The following SLCO3A1 variants were observed in gnomAD, a reference collection of about 807,000 sequenced individuals.
SLCO3A1 encodes solute carrier organic anion transporter family member 3A1.
SLCO3A1 carries 27 observed loss-of-function variants against 63.1 expected under a neutral mutation model. The observed-to-expected ratio is 0.43, with a 90% CI of 0.32 to 0.59. SLCO3A1 has a LOEUF of 0.59. Ranked by LOEUF, SLCO3A1 falls within the 20% of genes least tolerant of loss-of-function variation. SLCO3A1 has a pLI of 0.09. For missense variants in SLCO3A1, 773 were observed against 945.8 expected (o/e 0.82, Z 2.40); for synonymous variants, 473 against 409.9 (o/e 1.15, Z -1.86).
chr15:91,902,436 T>C (rs1898183521), intron 1 of SLCO3A1, among the ~76,000 whole-genome samples: 1 of 151,858 alleles, frequency 6.6e-6, no homozygotes, highest in South Asian at 2.1e-4. Context: ...AAATTCTGTT[T>C]AGTTTGCCAG....
intron 2 of SLCO3A1, among the ~76,000 whole-genome samples, chr15:92,038,463 C>T (rs2046754720): frequency 6.6e-6 from 1 of 152,084 alleles, no homozygotes; most frequent in Admixed American, 6.5e-5. Flanking sequence ...CAACAATAGA[C>T]AAGCAGAGAG....
At chr15:91,923,220 C>G (rs1005512023) in intron 2 of SLCO3A1, among the ~76,000 whole-genome samples, 1 of 152,198 alleles carries the variant, frequency 6.6e-6, no homozygotes, top group African/African-American at 2.4e-5. Context: ...AAATGCTGCC[C>G]TTTTCATCCT....
At chr15:92,100,573 T>A (rs974214182) in intron 3 of SLCO3A1, among the ~76,000 whole-genome samples, 1 of 152,234 alleles carries the variant, frequency 6.6e-6, no homozygotes, top group Non-Finnish European at 1.5e-5. Context: ...CCATTTTTTT[T>A]AAAGTTAAGA....
chr15:91,893,596 C>T (rs1305029774), intron 1 of SLCO3A1, among the ~76,000 whole-genome samples: 2 of 152,196 alleles, frequency 1.3e-5, no homozygotes, highest in Non-Finnish European at 2.9e-5. Context: ...AAGGCTTCAC[C>T]TCCTAATACT....
rs527847212 is a variant in SLCO3A1, at chr15:91,963,782, A to G, written c.646+47324A>G. Among the ~76,000 whole-genome samples the G allele has an allele frequency of 8.5e-5, 13 of 152,106 alleles. 1 individual carries two copies. In the East Asian group the frequency reaches 2.3e-3, roughly 27 times the overall value. Reference sequence around the variant, plus strand: ...CAGACCTTCGCAGTGAGTATTACAGATCATAAAGGTAGTGCAGAACCAGAC... The same window carrying G: ...CAGACCTTCGCAGTGAGTATTACAGGTCATAAAGGTAGTGCAGAACCAGAC... On this transcript the variant is annotated intron_variant, in intron 2 of 9. Coordinates refer to ENST00000318445, the MANE Select transcript of SLCO3A1 (RefSeq NM_013272.4).
chr15:92,014,404 G>A lies in SLCO3A1; in HGVS notation c.647-80477G>A, dbSNP rs148778447. 1.1e-4 allele frequency among the ~76,000 whole-genome samples: 16 copies of A among 152,258 alleles called. No individual in the cohort carries two copies. The East Asian group carries it at 1.2e-3, about 11-fold the overall frequency. On this transcript the variant is annotated intron_variant, in intron 2 of 9. Transcript: ENST00000318445. Reference sequence around the variant, plus strand: ...AGGGCTGCAGGAGTGAGAATGCCCCGTGATTAGGGTTTCCTTCTAGGCCCG... The same window carrying A: ...AGGGCTGCAGGAGTGAGAATGCCCCATGATTAGGGTTTCCTTCTAGGCCCG...
intron 8 of SLCO3A1, chr15:92,149,337 C>T (rs1208339810): frequency 6.6e-6 from 1 of 152,222 alleles, no homozygotes; most frequent in African/African-American, 2.4e-5. Flanking sequence ...ATTGAGAGGT[C>T]CAAGACACAG....
rs185285977 is a variant in SLCO3A1 at position 92,033,040 on chromosome 15, A to C, written c.647-61841A>C. ...TGGTAGTGTGGGATGTGGGTTTAGC[A>C]CTTAGAGCATGGATCAGAGCAAGGT... is the stretch of plus-strand genomic sequence containing the variant. On this transcript the variant is annotated intron_variant, in intron 2 of 9. Coordinates refer to ENST00000318445, the MANE Select transcript of SLCO3A1 (RefSeq NM_013272.4). This position sits in a 1 kb window ranked among gnomAD's most constrained non-coding sequence, Gnocchi z 4.5. 8.4e-4 allele frequency among the ~76,000 whole-genome samples: 128 copies of C among 152,278 alleles called. No homozygotes were observed. The highest frequency in any genetic ancestry group is 3.0e-3 in the African/African-American group (125 of 41,550).
chr15:91,939,002 T>C lies in SLCO3A1; in HGVS notation c.646+22544T>C, dbSNP rs148500700. On this transcript the variant is annotated intron_variant, in intron 2 of 9. Transcript: ENST00000318445. ...CATCTGGGCCTGTCCCCTGCTCTAC[T>C]TGTGGAAGCTGCCTTGGGTGCTGTA... Among the ~76,000 whole-genome samples, 479 of 152,322 alleles carry C rather than the reference T, an allele frequency of 3.1e-3. 2 individuals carry two copies. The highest frequency in any genetic ancestry group is 0.011 in the African/African-American group (467 of 41,580).
intron 4 of SLCO3A1, among the ~76,000 whole-genome samples, chr15:92,109,604 A>G (rs1360328160): frequency 6.6e-6 from 1 of 152,156 alleles, no homozygotes; most frequent in Non-Finnish European, 1.5e-5. Flanking sequence ...TCAAAAGCTG[A>G]GCACTCTTGT....
At chr15:91,891,247 T>C (rs74846583) in intron 1 of SLCO3A1, among the ~76,000 whole-genome samples, 9,461 of 152,190 alleles carry the variant, frequency 0.062, 343 homozygotes, top group Non-Finnish European at 0.084. Context: ...TTCAGGAATA[T>C]TGCCAGCAGA....
chr15:92,061,802 C>T (rs1215291748), intron 2 of SLCO3A1, among the ~76,000 whole-genome samples: 4 of 122,378 alleles, frequency 3.3e-5, no homozygotes, highest in East Asian at 2.2e-4. Flanking sequence ...CCCTGTTAGA[C>T]GCTCCTATGG....
intron 2 of SLCO3A1, among the ~76,000 whole-genome samples, chr15:92,015,002 G>A (rs1386360424): frequency 2.0e-5 from 3 of 152,134 alleles, no homozygotes; most frequent in African/African-American, 7.2e-5. Context: ...TTCTTTCTTG[G>A]TTCCATGGCT....
chr15:91,951,685 A>AGT (rs1486529163), intron 2 of SLCO3A1, among the ~76,000 whole-genome samples: 1 of 151,368 alleles, frequency 6.6e-6, no homozygotes, highest in African/African-American at 2.4e-5. Flanking sequence ...CCTCCCAAGT[A>AGT]GTAGGGATTA....
intron 2 of SLCO3A1, among the ~76,000 whole-genome samples, chr15:92,021,851 G>A (rs1043133171): frequency 3.9e-5 from 6 of 152,118 alleles, no homozygotes; most frequent in Non-Finnish European, 5.9e-5. Context: ...GAGGGAGGCT[G>A]TGGGAGGCAG....
chr15:91,884,449 T>C (rs1008182621), intron 1 of SLCO3A1, among the ~76,000 whole-genome samples: 1 of 150,748 alleles, frequency 6.6e-6, no homozygotes, highest in African/African-American at 2.4e-5. Context: ...AGGTGGAAGG[T>C]TGCAGTGAGC....
chr15:91,893,672 C>T (rs1210208265), intron 1 of SLCO3A1, among the ~76,000 whole-genome samples: 3 of 152,226 alleles, frequency 2.0e-5, no homozygotes, highest in African/African-American at 4.8e-5. Context: ...TCAGACCGTA[C>T]AGTCTTTTAT....
intron 2 of SLCO3A1, among the ~76,000 whole-genome samples, chr15:91,940,936 G>A (rs1439587195): frequency 6.6e-6 from 1 of 152,194 alleles, no homozygotes; most frequent in East Asian, 1.9e-4. Context: ...GTTAATGAGG[G>A]ATCAGGTCAA....
At chr15:91,928,201 A>T (rs1412736599) in intron 2 of SLCO3A1, among the ~76,000 whole-genome samples, 2 of 152,250 alleles carry the variant, frequency 1.3e-5, no homozygotes, top group Non-Finnish European at 2.9e-5. Context: ...TGCGTTAAGC[A>T]CAGGTGAGTT....
Sources: gnomAD v4.1 joint callset for allele counts (sites outside exome capture counted in the v4.1 genomes callset) on GRCh38, gnomAD v4.1.1 for gene constraint, Gnocchi (gnomAD v3.1) non-coding constraint, MANE v1.5 for transcripts, NCBI Gene and HGNC (gene_info 2026-07-23, HGNC 2026-07-21) for gene names.